The following PCDH15 variants were observed in gnomAD, a reference collection of about 807,000 sequenced individuals.
PCDH15 encodes protocadherin related 15.
PCDH15 carries 129 observed loss-of-function variants against 178.5 expected under a neutral mutation model. The observed-to-expected ratio is 0.72, with a 90% confidence interval of 0.63 to 0.84. The LOEUF (loss-of-function observed/expected upper bound fraction) is 0.84, where lower values mean the gene tolerates loss of function less well. Ranked by LOEUF, PCDH15 falls within the 40% of genes least tolerant of loss-of-function variation. PCDH15 has a pLI of 0.00. For synonymous variants in PCDH15, 800 were observed against 732.0 expected (o/e 1.09, Z -1.50); for missense variants, 2,230 against 2,099.9 (o/e 1.06, Z -1.21).
chr10:54,926,713 C>T (rs1295065850), intron 2 of PCDH15, among the ~76,000 whole-genome samples: 1 of 151,954 alleles, frequency 6.6e-6, no homozygotes, highest in South Asian at 2.1e-4. Context: ...CTATCCATTC[C>T]TTCTAGATTT....
At chr10:55,434,663 T>G (rs1003179138) in intron 2 of PCDH15, among the ~76,000 whole-genome samples, 5 of 151,852 alleles carry the variant, frequency 3.3e-5, no homozygotes, top group African/African-American at 1.2e-4. Context: ...TGGAGTGCAG[T>G]GGCATGATCT....
chr10:54,368,098 T>C (rs1278724032), intron 5 of PCDH15, among the ~76,000 whole-genome samples: 1 of 151,976 alleles, frequency 6.6e-6, no homozygotes, highest in African/African-American at 2.4e-5. Flanking sequence ...TTGTTAAATT[T>C]AAATAGGAGT....
At chr10:54,625,154 T>C (rs1352689538) in intron 2 of PCDH15, among the ~76,000 whole-genome samples, 2 of 152,126 alleles carry the variant, frequency 1.3e-5, no homozygotes, top group Non-Finnish European at 2.9e-5. Flanking sequence ...CCCAGTTGTG[T>C]TTGCTAACTG....
intron 2 of PCDH15, among the ~76,000 whole-genome samples, chr10:55,612,289 T>C (rs1302359141): frequency 6.6e-6 from 1 of 152,080 alleles, no homozygotes; most frequent in Non-Finnish European, 1.5e-5. Flanking sequence ...TTGTATGTTA[T>C]AAATACATAT....
chr10:55,288,055 C>T (rs751154764), intron 1 of PCDH15, among the ~76,000 whole-genome samples: 2 of 149,708 alleles, frequency 1.3e-5, no homozygotes, highest in Non-Finnish European at 3.0e-5. Context: ...AATACTGACA[C>T]GATACTTAAT....
chr10:54,447,779 C>T (rs1206924168), intron 3 of PCDH15, among the ~76,000 whole-genome samples: 2 of 151,678 alleles, frequency 1.3e-5, no homozygotes, highest in Non-Finnish European at 3.0e-5. Flanking sequence ...GAATTCTTGG[C>T]TACTTAGATT....
At chr10:55,484,016 T>C (rs1348572023) in intron 2 of PCDH15, among the ~76,000 whole-genome samples, 1 of 151,790 alleles carries the variant, frequency 6.6e-6, no homozygotes, top group Non-Finnish European at 1.5e-5. Flanking sequence ...TGGATGGATC[T>C]GGAGGCCATT....
At chr10:54,379,914 C>A (rs1948975610) in intron 3 of PCDH15, among the ~76,000 whole-genome samples, 1 of 151,962 alleles carries the variant, frequency 6.6e-6, no homozygotes, top group African/African-American at 2.4e-5. Flanking sequence ...CTTAGGACAG[C>A]ACTCAAGAAT....
intron 15 of PCDH15, among the ~76,000 whole-genome samples, chr10:54,123,280 T>C (rs370723946): frequency 6.6e-6 from 1 of 151,992 alleles, no homozygotes; most frequent in Non-Finnish European, 1.5e-5. Flanking sequence ...ATCCAACAAA[T>C]GTCTTATATT....
intron 2 of PCDH15, chr10:55,599,263 G>A (rs771629902): frequency 3.3e-5 from 5 of 152,136 alleles, no homozygotes; most frequent in Non-Finnish European, 4.4e-5. Flanking sequence ...TAGTAGCAGT[G>A]ACAAGCCTAC....
At chr10:53,819,920 AG>A (rs1316234805) in intron 33 of PCDH15, among the ~76,000 whole-genome samples, 1 of 152,180 alleles carries the variant, frequency 6.6e-6, no homozygotes, top group South Asian at 2.1e-4. Flanking sequence ...TCAATTAAAA[AG>A]TACAGAATAA....
chr10:53,943,173 C>A (rs1430939807), intron 23 of PCDH15, among the ~76,000 whole-genome samples: 8 of 151,992 alleles, frequency 5.3e-5, no homozygotes, highest in African/African-American at 7.2e-5. Flanking sequence ...AACTTATGCA[C>A]CTTTAGCTTT....
intron 2 of PCDH15, among the ~76,000 whole-genome samples, chr10:55,582,529 A>G (rs1471844329): frequency 2.0e-5 from 3 of 150,320 alleles, no homozygotes; most frequent in Non-Finnish European, 3.0e-5. Flanking sequence ...ATAGGGCCAT[A>G]TAAATATCTC....
At chr10:55,561,160 A>G (rs1842190510) in intron 2 of PCDH15, among the ~76,000 whole-genome samples, 1 of 151,868 alleles carries the variant, frequency 6.6e-6, no homozygotes, top group South Asian at 2.1e-4. Context: ...ATCTTCAGAA[A>G]GAAATTCAGG....
intron 14 of PCDH15, among the ~76,000 whole-genome samples, chr10:54,146,861 TAA>T (rs920344695): frequency 6.8e-6 from 1 of 146,382 alleles, no homozygotes; most frequent in East Asian, 2.0e-4. Flanking sequence ...GGTCGATCTG[TAA>T]AAAAAATCAC....
chr10:54,256,129 A>T (rs945156793), intron 8 of PCDH15, among the ~76,000 whole-genome samples: 1 of 152,140 alleles, frequency 6.6e-6, no homozygotes. Context: ...GCACTGCCAC[A>T]ATAAACCACT....
chr10:54,613,360 A>G (rs138626374), intron 2 of PCDH15, among the ~76,000 whole-genome samples: 1 of 152,044 alleles, frequency 6.6e-6, no homozygotes, highest in East Asian at 1.9e-4. Flanking sequence ...TCAATAAATC[A>G]TATTTGCTGA....
intron 2 of PCDH15, among the ~76,000 whole-genome samples, chr10:55,473,402 A>G (rs1022876182): frequency 3.9e-5 from 6 of 152,166 alleles, no homozygotes; most frequent in African/African-American, 1.4e-4. Context: ...AGCCAGTGCA[A>G]TCTCAGCAAT....
chr10:55,276,897 T>C (rs1320919406), intron 1 of PCDH15, among the ~76,000 whole-genome samples: 1 of 152,044 alleles, frequency 6.6e-6, no homozygotes, highest in Non-Finnish European at 1.5e-5. Context: ...TTACTTCCAA[T>C]GAACTCAGGG....
Sources: gnomAD v4.1 joint callset for allele counts (sites outside exome capture counted in the v4.1 genomes callset) on GRCh38, gnomAD v4.1.1 for gene constraint, MANE v1.5 for transcripts, NCBI Gene and HGNC (gene_info 2026-07-23, HGNC 2026-07-21) for gene names.